Variants in LTBP1 observed in about 807,000 individuals in gnomAD.
LTBP1 encodes the protein latent transforming growth factor beta binding protein 1.
Under a neutral mutation model 207.6 loss-of-function variants are expected in LTBP1, and 129 were observed. The observed-to-expected ratio is 0.62, with a 90% CI of 0.54 to 0.72. The LOEUF is 0.72. Among genes scored for constraint, LTBP1 ranks in the 30% least tolerant of loss-of-function variants. The pLI, the probability that LTBP1 is intolerant of heterozygous loss-of-function variation, is 0.00. For synonymous variants in LTBP1, 963 were observed against 833.7 expected, an observed-to-expected ratio of 1.16 and a Z score of -2.67; for missense variants, 2,281 against 2,217.2, an observed-to-expected ratio of 1.03 and a Z score of -0.58.
At chr2:33,298,244 C>G (rs1181413923) in intron 20 of LTBP1, among the ~76,000 whole-genome samples, 1 of 152,208 alleles carries the variant, frequency 6.6e-6, no homozygotes, top group Non-Finnish European at 1.5e-5. Context: ...ACCCAAAGAT[C>G]ACCTTGTGCA....
intron 26 of LTBP1, among the ~76,000 whole-genome samples, chr2:33,347,860 C>T (rs2094725088): frequency 6.6e-6 from 1 of 152,310 alleles, no homozygotes; most frequent in Middle Eastern, 3.4e-3. Flanking sequence ...TTGCATAATC[C>T]TCCATACGTT....
intron 31 of LTBP1, among the ~76,000 whole-genome samples, chr2:33,373,966 A>G (rs2095104064): frequency 6.6e-6 from 1 of 152,218 alleles, no homozygotes; most frequent in South Asian, 2.1e-4. Context: ...TTGCAAAAGT[A>G]AAGAATTTGG....
chr2:33,309,626 T>C, intron 23 of LTBP1, 70 bp downstream of exon 23: 1 of 1,532,522 alleles, frequency 6.5e-7, no homozygotes, highest in Non-Finnish European at 8.8e-7. Flanking sequence ...TGCCAGATGA[T>C]AGTCTGTGGT....
At chr2:33,148,029 C>A (rs917405303) in intron 5 of LTBP1, among the ~76,000 whole-genome samples, 5 of 152,186 alleles carry the variant, frequency 3.3e-5, no homozygotes, top group African/African-American at 1.2e-4. Flanking sequence ...AACAGGAGTT[C>A]AATTCCATAG....
At chr2:33,243,899 C>T in intron 10 of LTBP1, 115 bp downstream of exon 10, 1 of 1,186,474 alleles carries the variant, frequency 8.4e-7, no homozygotes, top group East Asian at 2.4e-5. Context: ...AGGAAAACCT[C>T]ATTAATTAAA....
chr2:32,955,736 A>C (rs1677978287), intron 2 of LTBP1, among the ~76,000 whole-genome samples: 1 of 152,206 alleles, frequency 6.6e-6, no homozygotes, highest in Non-Finnish European at 1.5e-5. Flanking sequence ...ACAATGATTT[A>C]TACATAAAGG....
Position 33,243,922 on chromosome 2 carries a change from G to A in LTBP1, c.1999+138G>A, listed in dbSNP as rs931321635. The A allele has an allele frequency of 6.7e-6, 6 of 902,064 alleles. No individual in the cohort carries two copies. The African/African-American group carries it at 8.5e-5, about 13-fold the overall frequency. The allele number at this position is 902,064 out of a possible 1,614,324, so 55.9% of individuals were successfully genotyped here. ...CTCATTAATTAAAATAACAAGCAAGGGGCCTGCCTGATGTAGTAAAATAAA... is the reference window on the plus strand; with the variant it reads ...CTCATTAATTAAAATAACAAGCAAGAGGCCTGCCTGATGTAGTAAAATAAA... On this transcript the variant is annotated intron_variant, in intron 10 of 33. Transcript: ENST00000404816.
At chr2:33,198,199 T>C (rs2088794405) in intron 7 of LTBP1, among the ~76,000 whole-genome samples, 1 of 152,236 alleles carries the variant, frequency 6.6e-6, no homozygotes. Flanking sequence ...CTGGATTACA[T>C]TTATTGATTT....
chr2:33,176,405 T>C (rs1262232859), intron 5 of LTBP1, among the ~76,000 whole-genome samples: 1 of 152,090 alleles, frequency 6.6e-6, no homozygotes, highest in African/African-American at 2.4e-5. Context: ...TTTTGTATTT[T>C]TAGTAGATAC....
At chr2:33,225,958 A>G (rs967855205) in intron 9 of LTBP1, among the ~76,000 whole-genome samples, 14 of 152,142 alleles carry the variant, frequency 9.2e-5, no homozygotes, top group Admixed American at 6.5e-4. Context: ...TATATACACC[A>G]CATTTTCTGT....
intron 22 of LTBP1, among the ~76,000 whole-genome samples, chr2:33,306,819 G>A (rs2094104432): frequency 6.6e-6 from 1 of 152,168 alleles, no homozygotes; most frequent in Non-Finnish European, 1.5e-5. Flanking sequence ...GTCGGGTGCA[G>A]TGGCTCACAC....
chr2:33,138,814 T>C (rs1368934970), intron 5 of LTBP1, among the ~76,000 whole-genome samples: 2 of 147,770 alleles, frequency 1.4e-5, no homozygotes, highest in Admixed American at 6.8e-5. Context: ...TGAATAATTA[T>C]AAAAAACATT....
At chr2:33,397,807 C>T (rs2095373548) in intron 33 of LTBP1, among the ~76,000 whole-genome samples, 1 of 151,984 alleles carries the variant, frequency 6.6e-6, no homozygotes, top group East Asian at 1.9e-4. Context: ...CAGGCGTGAG[C>T]CACCACGCCT....
chr2:33,039,400 C>T (rs1415842394), intron 3 of LTBP1, among the ~76,000 whole-genome samples: 3 of 152,012 alleles, frequency 2.0e-5, no homozygotes, highest in African/African-American at 7.2e-5. Flanking sequence ...ATTTTGGTAG[C>T]TTTGGTAGCT....
intron 22 of LTBP1, among the ~76,000 whole-genome samples, chr2:33,302,987 AC>A (rs1250093698): frequency 1.3e-4 from 19 of 141,760 alleles, no homozygotes; most frequent in African/African-American, 5.1e-4. Context: ...ACACACACAA[AC>A]ACACACAAAC....
At position 33,087,216 on chromosome 2, in the gene LTBP1, A is replaced by G; in HGVS notation, c.864-23366A>G. 1.3e-5 allele frequency among the ~76,000 whole-genome samples: 2 copies of G among 149,624 alleles called. 1 individual carries two copies. Among genetic ancestry groups the G allele is most frequent in the East Asian group, 3.9e-4 (2 of 5,094 alleles). ...CAGCCTCACGAGTATCTGGGACTAC[A>G]GTTAGTGCCTGGCTACTTTAAAAAA... On this transcript the variant is annotated intron_variant, in intron 3 of 33. Transcript: ENST00000404816.
chr2:33,339,866 A>G (rs1238582302), intron 24 of LTBP1, among the ~76,000 whole-genome samples: 2 of 151,954 alleles, frequency 1.3e-5, no homozygotes, highest in African/African-American at 4.8e-5. Context: ...GCTGGTCTTG[A>G]ACTCCCGACC....
chr2:33,172,265 C>T (rs1167185492), intron 5 of LTBP1, among the ~76,000 whole-genome samples: 11 of 152,210 alleles, frequency 7.2e-5, no homozygotes, highest in South Asian at 2.1e-4. Flanking sequence ...ACCCATCTCA[C>T]GTGCAGAGAC....
chr2:33,332,456 T>G (rs1468198434), intron 24 of LTBP1, among the ~76,000 whole-genome samples: 1 of 148,294 alleles, frequency 6.7e-6, no homozygotes, highest in East Asian at 2.0e-4. Flanking sequence ...CTGAGAAATA[T>G]AAAGAAAAAA....
Sources: gnomAD v4.1 joint callset for allele counts (sites outside exome capture counted in the v4.1 genomes callset) on GRCh38, gnomAD v4.1.1 for gene constraint, MANE v1.5 for transcripts, NCBI Gene and HGNC (gene_info 2026-07-23, HGNC 2026-07-21) for gene names.